Variants in BLZF1 observed in about 807,000 individuals in gnomAD.
BLZF1 encodes basic leucine zipper nuclear factor 1.
A neutral mutation model predicts 43.8 loss-of-function variants in BLZF1; 39 were observed. The ratio of observed to expected loss-of-function variants is 0.89; its 90% CI spans 0.69 to 1.16. The LOEUF is 1.16. BLZF1 is among the 50% of genes most tolerant of loss of function. The pLI is 0.00. For synonymous variants in BLZF1, 136 were observed against 159.4 expected (o/e 0.85, Z 1.11); for missense variants, 449 against 469.8 (o/e 0.96, Z 0.41).
chr1:169,394,904 T>C, intron 7 of BLZF1: 1 of 693,166 alleles, frequency 1.4e-6, no homozygotes, highest in Non-Finnish European at 2.2e-6. Flanking sequence ...TATTTTGTTC[T>C]AGTATTAAAA....
intron 4 of BLZF1, 125 bp downstream of exon 4, chr1:169,378,654 T>A: frequency 1.2e-6 from 1 of 808,920 alleles, no homozygotes; most frequent in Non-Finnish European, 2.0e-6. Context: ...GTACTTCATT[T>A]AAGATGTGGA....
rs1478651043 is a variant in BLZF1, at chr1:169,387,778, A to T, written c.*596A>T. 2 of 152,214 alleles carry T rather than the reference A, an allele frequency of 1.3e-5. No homozygotes were observed. The highest frequency in any genetic ancestry group is 2.9e-5 in the Non-Finnish European group (2 of 68,032). 9.4% of individuals were successfully genotyped at this position (152,214 alleles called of 1,614,324 possible). On this transcript the variant is annotated 3_prime_UTR_variant, in exon 7 of 7. Coordinates refer to ENST00000367808, the MANE Select transcript of BLZF1 (RefSeq NM_001320973.2). ...GAGCCTTGCAGAAATGGGTGAAGGGATTAATCTTTTAAAAATAAATGCTAT... is the reference window on the plus strand; with the variant it reads ...GAGCCTTGCAGAAATGGGTGAAGGGTTTAATCTTTTAAAAATAAATGCTAT...
intron 2 of BLZF1, 128 bp from the exon 3 acceptor site, chr1:169,376,412 T>C (rs1455666241): frequency 1.3e-6 from 1 of 791,636 alleles, no homozygotes; most frequent in Non-Finnish European, 1.9e-6. Context: ...GAAAATTACT[T>C]TTTCTCTGAT....
chr1:169,394,829 T>C (rs1478039599), intron 7 of BLZF1: 1 of 358,328 alleles, frequency 2.8e-6, no homozygotes, highest in East Asian at 4.3e-5. Context: ...AATTCATTCG[T>C]TGTTCAATTT....
chr1:169,394,759 C>T (rs1193018755), intron 7 of BLZF1: 1 of 212,552 alleles, frequency 4.7e-6, no homozygotes, highest in African/African-American at 2.3e-5. Context: ...GAAATCTGTA[C>T]CTTTCTTGTG....
intron 2 of BLZF1, among the ~76,000 whole-genome samples, chr1:169,374,133 A>G (rs1654215135): frequency 6.6e-6 from 1 of 151,630 alleles, no homozygotes; most frequent in East Asian, 1.9e-4. Context: ...TGGGAGGCTG[A>G]GGCCAGAGAA....
At chr1:169,390,354 T>C (rs74640182), downstream of BLZF1, among the ~76,000 whole-genome samples, 2,216 of 151,868 alleles carry the variant, frequency 0.015, 59 homozygotes, top group African/African-American at 0.05. Flanking sequence ...TGCAGACAAA[T>C]AGAGAATAGA....
At position 169,380,579 on chromosome 1, in the gene BLZF1, A is replaced by G. The variant is rs1012760625; in HGVS notation, c.767A>G (p.Gln256Arg). The G allele has an allele frequency of 4.3e-6, 7 of 1,612,846 alleles. No homozygotes were observed. The highest frequency in any genetic ancestry group is 5.9e-6 in the Non-Finnish European group (7 of 1,179,070). ...AIQDLLSERE[Q>R]FRQEMIATQK... ...CAAGATCTCCTAAGTGAACGGGAACAGTTTCGTCAAGAAATGATAGCTACC... is the reference window on the plus strand; with the variant it reads ...CAAGATCTCCTAAGTGAACGGGAACGGTTTCGTCAAGAAATGATAGCTACC... Residue 256 changes from glutamine (Q) to arginine (R), a missense_variant, in exon 5 of 7, where the codon CAG becomes CGG. Physicochemically the swap from Gln to Arg is conservative, Grantham distance 43 (BLOSUM62 1). Coordinates refer to ENST00000367808, the MANE Select transcript of BLZF1 (RefSeq NM_001320973.2).
intron 2 of BLZF1, among the ~76,000 whole-genome samples, chr1:169,370,245 T>A (rs1367527043): frequency 6.6e-6 from 1 of 152,226 alleles, no homozygotes; most frequent in South Asian, 2.1e-4. Flanking sequence ...CCTGTATGAT[T>A]TCATCTTAAC....
chr1:169,395,076 G>C (rs1238113627), intron 7 of BLZF1: 2 of 1,607,308 alleles, frequency 1.2e-6, no homozygotes, highest in Non-Finnish European at 1.7e-6. Flanking sequence ...AAACGAAAAG[G>C]TTTGGCTTCT....
At chr1:169,389,993 G>C (rs1477414473), downstream of BLZF1, among the ~76,000 whole-genome samples, 1 of 152,064 alleles carries the variant, frequency 6.6e-6, no homozygotes, top group Non-Finnish European at 1.5e-5. Context: ...TAGAGATTGG[G>C]ATGACAAAAA....
rs1654437645 is a variant in BLZF1 at position 169,378,589 on chromosome 1, C to G, written c.668+60C>G. ...GTTTTTGCTCCATCAGGTTTTTGATCTATAACACAAGAAAGTAGATTGTAG... is the reference window on the plus strand; with the variant it reads ...GTTTTTGCTCCATCAGGTTTTTGATGTATAACACAAGAAAGTAGATTGTAG... On this transcript the variant is annotated intron_variant, in intron 4 of 6. Transcript: ENST00000367808. 2.6e-6 allele frequency: 4 copies of G among 1,513,284 alleles called. No individual in the cohort carries two copies. In the East Asian group the frequency reaches 6.8e-5, roughly 26 times the overall value. The allele number at this position is 1,513,284 out of a possible 1,614,324, so 93.7% of individuals were successfully genotyped here.
Position 169,382,043 on chromosome 1 carries a change from T to C in BLZF1, c.798-19T>C. ...TTTGCTCTCTTACTATGTCCGGTGT[T>C]CATGTGTGTTCTATGCAGATTATTG... On this transcript the variant is annotated intron_variant, in intron 5 of 6. Coordinates refer to ENST00000367808, the MANE Select transcript of BLZF1 (RefSeq NM_001320973.2). The C allele has an allele frequency of 6.3e-7, 1 of 1,591,446 alleles. No homozygotes were observed. Among genetic ancestry groups the C allele is most frequent in the Non-Finnish European group, 8.6e-7 (1 of 1,165,356 alleles).
intron 3 of BLZF1, among the ~76,000 whole-genome samples, chr1:169,378,046 G>T (rs1654414418): frequency 6.6e-6 from 1 of 151,594 alleles, no homozygotes; most frequent in Non-Finnish European, 1.5e-5. Context: ...TCCTTTAAGT[G>T]TTGACTAGAA....
At position 169,393,372 on chromosome 1, in the gene BLZF1, G is replaced by A. The variant is rs535636656; in HGVS notation, c.*28-2522G>A. ...GGAGGCTGAGGCAGGTGGATCAGCT[G>A]AGGTCAGGAGTTTGAGACCAGCCTG... On this transcript the variant is annotated intron_variant, in intron 7 of 7. Coordinates refer to the BLZF1 transcript ENST00000329281. 2.3e-3 allele frequency among the ~76,000 whole-genome samples: 344 copies of A among 151,956 alleles called. 1 individual carries two copies. The highest frequency in any genetic ancestry group is 8.0e-3 in the African/African-American group (330 of 41,448).
At chr1:169,370,374 C>T (rs7539415) in intron 2 of BLZF1, among the ~76,000 whole-genome samples, 81,072 of 151,872 alleles carry the variant, frequency 0.53, 22,466 homozygotes, top group Non-Finnish European at 0.6. Context: ...TTGCTAAATA[C>T]AGTAGTCACT....
intron 6 of BLZF1, 120 bp downstream of exon 6, chr1:169,382,401 T>C (rs1557849974): frequency 1.3e-6 from 1 of 767,944 alleles, no homozygotes; most frequent in African/African-American, 1.8e-5. Context: ...AAACCACTCA[T>C]GCTATTGAGT....
intron 6 of BLZF1, among the ~76,000 whole-genome samples, chr1:169,385,201 G>C (rs1254239712): frequency 6.6e-6 from 1 of 152,086 alleles, no homozygotes. Flanking sequence ...GCTTGATTTA[G>C]ATCCCCTTCT....
chr1:169,369,245 AT>A (rs1654015673), intron 1 of BLZF1, among the ~76,000 whole-genome samples: 1 of 151,494 alleles, frequency 6.6e-6, no homozygotes, highest in Non-Finnish European at 1.5e-5. Context: ...ATTGGTGAGG[AT>A]GGTGAAACGG....
Sources: gnomAD v4.1 joint callset for allele counts (sites outside exome capture counted in the v4.1 genomes callset) on GRCh38, gnomAD v4.1.1 for gene constraint, MANE v1.5 for transcripts, NCBI Gene and HGNC (gene_info 2026-07-23, HGNC 2026-07-21) for gene names.